Variants in PHACTR3 observed in about 807,000 individuals in gnomAD.
The protein encoded by PHACTR3 is protein phosphatase 1, regulatory subunit 123.
Under a neutral mutation model 66.8 loss-of-function variants are expected in PHACTR3, and 16 were observed. The observed-to-expected ratio is 0.24, with a 90% confidence interval of 0.16 to 0.36. The LOEUF (loss-of-function observed/expected upper bound fraction) is 0.36, where lower values mean the gene tolerates loss of function less well. Among genes scored for constraint, PHACTR3 ranks in the 10% least tolerant of loss-of-function variants. The pLI, the probability that PHACTR3 is intolerant of heterozygous loss-of-function variation, is 1.00. For missense variants in PHACTR3, 647 were observed against 719.9 expected (o/e 0.90, Z 1.16); for synonymous variants, 323 against 292.1 (o/e 1.11, Z -1.08).
intron 1 of PHACTR3, among the ~76,000 whole-genome samples, chr20:59,661,891 C>T (rs1216426130): frequency 6.6e-6 from 1 of 152,100 alleles, no homozygotes; most frequent in Admixed American, 6.5e-5. Context: ...CACAGGGTGA[C>T]CGCTAGTGGC....
At chr20:59,623,512 G>C (rs1483790332) in intron 1 of PHACTR3, among the ~76,000 whole-genome samples, 1 of 152,230 alleles carries the variant, frequency 6.6e-6, no homozygotes, top group Non-Finnish European at 1.5e-5. Flanking sequence ...TGGCTTTCTT[G>C]TGTACGCTCT....
At chr20:59,663,619 G>GTGT (rs1271089262) in intron 1 of PHACTR3, among the ~76,000 whole-genome samples, 1 of 152,200 alleles carries the variant, frequency 6.6e-6, no homozygotes, top group East Asian at 1.9e-4. Context: ...TTTTCATGGC[G>GTGT]TGTCGACACC....
rs558623974 is a variant in PHACTR3, at chr20:59,738,255, C to G, written c.119-4852C>G. Among the ~76,000 whole-genome samples the G allele has an allele frequency of 6.6e-6, 1 of 152,086 alleles. No homozygotes were observed. The highest frequency in any genetic ancestry group is 1.5e-5 in the Non-Finnish European group (1 of 68,010). On this transcript the variant is annotated intron_variant, in intron 1 of 12. Coordinates refer to ENST00000371015, the MANE Select transcript of PHACTR3 (RefSeq NM_080672.5). The surrounding 1 kb of genome is among the most constrained non-coding windows in gnomAD (Gnocchi z 4.4). Reference sequence around the variant, plus strand: ...AGCCTGGGGTGCCTGGTCCCAGCCCCCATGTTCTTCACAGCTACGTCACAC... The same window carrying G: ...AGCCTGGGGTGCCTGGTCCCAGCCCGCATGTTCTTCACAGCTACGTCACAC...
chr20:59,587,459 G>C (rs57101530), intron 1 of PHACTR3, among the ~76,000 whole-genome samples: 2,244 of 152,326 alleles, frequency 0.015, 49 homozygotes, highest in African/African-American at 0.051. Context: ...AGTGTTCATG[G>C]CTGGTCAGGA....
At chr20:59,643,263 C>T (rs760579006) in intron 1 of PHACTR3, among the ~76,000 whole-genome samples, 22 of 152,316 alleles carry the variant, frequency 1.4e-4, no homozygotes, top group Non-Finnish European at 3.1e-4. Flanking sequence ...GTATCCTGCA[C>T]AGCATCAATG....
intron 1 of PHACTR3, among the ~76,000 whole-genome samples, chr20:59,696,546 C>A (rs546581418): frequency 7.2e-5 from 11 of 152,256 alleles, no homozygotes; most frequent in Non-Finnish European, 1.2e-4. Context: ...TCTCCCTGGT[C>A]TCGTTGGGAT....
chr20:59,618,732 G>C (rs2146360181), intron 1 of PHACTR3, among the ~76,000 whole-genome samples: 1 of 152,132 alleles, frequency 6.6e-6, no homozygotes, highest in East Asian at 1.9e-4. Context: ...GTCTCACCCT[G>C]AGCAGGGCCG....
At chr20:59,790,496 G>A (rs2041057697) in intron 7 of PHACTR3, among the ~76,000 whole-genome samples, 2 of 152,198 alleles carry the variant, frequency 1.3e-5, no homozygotes, top group Admixed American at 1.3e-4. Context: ...ATTTTCTGCG[G>A]CTTTGGTTAG....
At chr20:59,690,490 T>G (rs866161723) in intron 1 of PHACTR3, among the ~76,000 whole-genome samples, 4 of 152,344 alleles carry the variant, frequency 2.6e-5, no homozygotes, top group South Asian at 4.1e-4. Flanking sequence ...AGGTCACATA[T>G]AGCTTTAGCC....
At chr20:59,589,445 A>G (rs2033128316) in intron 1 of PHACTR3, among the ~76,000 whole-genome samples, 1 of 152,208 alleles carries the variant, frequency 6.6e-6, no homozygotes, top group Non-Finnish European at 1.5e-5. Context: ...TGGGATCATC[A>G]TTGCTACGGC....
rs138117921 is a variant in PHACTR3, at chr20:59,590,156, TTGTTA to T, written c.109+12548_109+12552del. ...GTGTGCTCCATGAGTGATTATGGCA[TTGTTA>T]TGTTATGTACTAACCCAGGAAATAA... is the stretch of plus-strand genomic sequence containing the variant. On this transcript the variant is annotated intron_variant, in intron 1 of 12. Coordinates refer to the PHACTR3 transcript ENST00000359926. 8.5e-5 allele frequency among the ~76,000 whole-genome samples: 13 copies of T among 152,336 alleles called. No individual in the cohort carries two copies. The East Asian group carries it at 1.3e-3, about 16-fold the overall frequency.
chr20:59,734,061 C>G (rs115183024), intron 1 of PHACTR3, among the ~76,000 whole-genome samples: 1,786 of 151,960 alleles, frequency 0.012, 34 homozygotes, highest in African/African-American at 0.041. Flanking sequence ...TCCACATTGT[C>G]CCCAGGACTC....
Position 59,829,992 on chromosome 20 carries a change from TA to T in PHACTR3, c.1329-6512del, listed in dbSNP as rs1445664460. Among the ~76,000 whole-genome samples the T allele has an allele frequency of 6.6e-6, 1 of 151,794 alleles. No homozygotes were observed. Among genetic ancestry groups the T allele is most frequent in the African/African-American group, 2.4e-5 (1 of 41,052 alleles). On this transcript the variant is annotated intron_variant, in intron 8 of 12. Coordinates refer to ENST00000371015, the MANE Select transcript of PHACTR3 (RefSeq NM_080672.5). This position sits in a 1 kb window ranked among gnomAD's most constrained non-coding sequence, Gnocchi z 4.2. ...CCCGTGTCCTTCCACTTCCTGAAAT[TA>T]CCTGCAGCCCCTGCTGCTGTGCTCA...
intron 9 of PHACTR3, among the ~76,000 whole-genome samples, chr20:59,837,341 CT>C (rs1387655546): frequency 6.6e-6 from 1 of 151,994 alleles, no homozygotes; most frequent in African/African-American, 2.4e-5. Flanking sequence ...AGTTTGTTTT[CT>C]TATTTGTGAA....
intron 1 of PHACTR3, among the ~76,000 whole-genome samples, chr20:59,673,047 G>A (rs969096318): frequency 6.6e-6 from 1 of 152,236 alleles, no homozygotes; most frequent in African/African-American, 2.4e-5. Context: ...AGCAATCTGA[G>A]GGCAGGAGGG....
chr20:59,690,136 G>GC (rs1245934262), intron 1 of PHACTR3, among the ~76,000 whole-genome samples: 1 of 152,050 alleles, frequency 6.6e-6, no homozygotes, highest in Non-Finnish European at 1.5e-5. Flanking sequence ...TCCTCACCAA[G>GC]CCCCCTCCTG....
intron 1 of PHACTR3, among the ~76,000 whole-genome samples, chr20:59,725,516 G>T (rs2038530690): frequency 6.6e-6 from 1 of 152,192 alleles, no homozygotes; most frequent in Non-Finnish European, 1.5e-5. Context: ...TTTGCTCATG[G>T]GTATCACCCC....
rs142306220 is a variant in PHACTR3 at position 59,760,392 on chromosome 20, A to G, written c.541+5028A>G. 2.6e-3 allele frequency among the ~76,000 whole-genome samples: 397 copies of G among 152,162 alleles called. 4 individuals are homozygous for G. The highest frequency in any genetic ancestry group is 0.021 in the Admixed American group (318 of 15,286). ...TGTCCGCACCCAAATCTCATCTTGAATTGTAGCTCCCATAATTCCCACGTG... is the reference window on the plus strand; with the variant it reads ...TGTCCGCACCCAAATCTCATCTTGAGTTGTAGCTCCCATAATTCCCACGTG... On this transcript the variant is annotated intron_variant, in intron 4 of 12. Transcript: ENST00000371015.
intron 1 of PHACTR3, among the ~76,000 whole-genome samples, chr20:59,704,563 T>C (rs73915061): frequency 1.5e-4 from 3 of 20,254 alleles, no homozygotes; most frequent in African/African-American, 4.8e-4. Context: ...GAGAATAGTC[T>C]TTTTTTTTTT....
Sources: gnomAD v4.1 joint callset for allele counts (sites outside exome capture counted in the v4.1 genomes callset) on GRCh38, gnomAD v4.1.1 for gene constraint, Gnocchi (gnomAD v3.1) non-coding constraint, MANE v1.5 for transcripts, NCBI Gene and HGNC (gene_info 2026-07-23, HGNC 2026-07-21) for gene names.